The following NCKAP5 variants were observed in gnomAD, a reference collection of about 807,000 sequenced individuals.
NCKAP5 encodes the protein nck-associated protein 5.
A neutral mutation model predicts 167.0 loss-of-function variants in NCKAP5; 92 were observed. The ratio of observed to expected loss-of-function variants is 0.55; its 90% confidence interval spans 0.47 to 0.66. NCKAP5 has a LOEUF of 0.66. Among genes scored for constraint, NCKAP5 ranks in the 30% least tolerant of loss-of-function variants. NCKAP5 has a pLI of 0.00. For missense variants in NCKAP5, 2,378 were observed against 2,315.0 expected, an observed-to-expected ratio of 1.03 and a Z score of -0.56; for synonymous variants, 891 against 877.4, an observed-to-expected ratio of 1.02 and a Z score of -0.27.
chr2:132,957,861 G>T (rs1370161223), intron 8 of NCKAP5, among the ~76,000 whole-genome samples: 1 of 152,122 alleles, frequency 6.6e-6, no homozygotes, highest in Non-Finnish European at 1.5e-5. Flanking sequence ...ATCTAGACAG[G>T]CAGGCCTCAC....
At chr2:133,061,885 C>G (rs970699253) in intron 6 of NCKAP5, among the ~76,000 whole-genome samples, 2 of 152,184 alleles carry the variant, frequency 1.3e-5, no homozygotes, top group African/African-American at 4.8e-5. Context: ...AAACACCTTT[C>G]TCCACTCCCC....
At chr2:133,100,666 T>C (rs2081482458) in intron 6 of NCKAP5, among the ~76,000 whole-genome samples, 1 of 152,180 alleles carries the variant, frequency 6.6e-6, no homozygotes, top group African/African-American at 2.4e-5. Flanking sequence ...TTAAACTCCA[T>C]ATAAATTACA....
chr2:133,163,653 A>G (rs2083888399), intron 5 of NCKAP5, among the ~76,000 whole-genome samples: 2 of 152,202 alleles, frequency 1.3e-5, no homozygotes, highest in African/African-American at 4.8e-5. Flanking sequence ...GTATCTACCT[A>G]TGCGTTCTTG....
In NCKAP5 at chr2:133,018,386, G is replaced by A. The variant is rs191720257; in HGVS notation, c.342-24147C>T. Among the ~76,000 whole-genome samples the A allele has an allele frequency of 6.1e-4, 93 of 152,318 alleles. 1 individual carries two copies. The highest frequency in any genetic ancestry group is 1.9e-3 in the African/African-American group (80 of 41,588). ...GGAGTTACCCTCCCCAAGAGACAAT[G>A]ATTATTTGCATAAGGATTTCAACAG... On this transcript the variant is annotated intron_variant, in intron 6 of 19. Coordinates refer to ENST00000409261, the MANE Select transcript of NCKAP5 (RefSeq NM_207363.3).
chr2:133,221,194 T>C (rs575420507), intron 4 of NCKAP5, among the ~76,000 whole-genome samples: 1 of 152,240 alleles, frequency 6.6e-6, no homozygotes, highest in South Asian at 2.1e-4. Context: ...ACATATGAAT[T>C]TAAAAAGGAA....
chr2:133,012,668 G>C (rs2078202406), intron 6 of NCKAP5, among the ~76,000 whole-genome samples: 1 of 152,020 alleles, frequency 6.6e-6, no homozygotes, highest in Non-Finnish European at 1.5e-5. Flanking sequence ...CTCCATGACT[G>C]CCTTCTCCAG....
At chr2:133,630,792 C>T in the NCKAP5 span, among the ~76,000 whole-genome samples, 22,461 of 152,058 alleles carry the variant, frequency 0.15, 2,156 homozygotes, top group South Asian at 0.2. Context: ...TTAGCAGAAC[C>T]AGCACAGACC....
chr2:133,083,520 G>A (rs1039439722), intron 6 of NCKAP5, among the ~76,000 whole-genome samples: 1 of 152,140 alleles, frequency 6.6e-6, no homozygotes, highest in Non-Finnish European at 1.5e-5. Context: ...TTGTACTTAT[G>A]CCCTACAAGA....
intron 2 of NCKAP5, among the ~76,000 whole-genome samples, chr2:133,537,345 A>C (rs1176949124): frequency 6.6e-6 from 1 of 152,112 alleles, no homozygotes; most frequent in Non-Finnish European, 1.5e-5. Flanking sequence ...GTCTGCAAAA[A>C]AATCCAACTG....
chr2:133,615,820 C>T, the NCKAP5 span, among the ~76,000 whole-genome samples: 1 of 152,108 alleles, frequency 6.6e-6, no homozygotes, highest in East Asian at 1.9e-4. Context: ...AACTACAGAA[C>T]TCTCCACCCC....
In NCKAP5 at chr2:132,671,827, A is replaced by C. The variant is rs1376652846; in HGVS notation, c.*1462T>G. 6.6e-6 allele frequency: 1 copy of C among 152,666 alleles called. No homozygotes were observed. Among genetic ancestry groups the C allele is most frequent in the Non-Finnish European group, 1.5e-5 (1 of 68,042 alleles). The allele number at this position is 152,666 out of a possible 1,614,324, so 9.5% of individuals were successfully genotyped here. ...AAATGTGATATAACTTTTATTCAGA[A>C]AGGAAACAAAAAGATTTTTTAAAGT... On this transcript the variant is annotated 3_prime_UTR_variant, in exon 20 of 20. Transcript: ENST00000409261.
intron 16 of NCKAP5, among the ~76,000 whole-genome samples, chr2:132,765,308 C>CTTTTTT (rs1170247644): frequency 3.0e-4 from 34 of 114,278 alleles, no homozygotes; most frequent in African/African-American, 3.8e-4. Context: ...TTCTTTCTTT[C>CTTTTTT]TTTTTTTTTT....
At chr2:133,403,013 C>T (rs2151027454) in intron 3 of NCKAP5, among the ~76,000 whole-genome samples, 1 of 152,286 alleles carries the variant, frequency 6.6e-6, no homozygotes, top group East Asian at 1.9e-4. Context: ...CCAGAGTTAA[C>T]TTTTATGTCC....
chr2:133,373,680 A>C (rs1194888602), intron 3 of NCKAP5, among the ~76,000 whole-genome samples: 1 of 152,266 alleles, frequency 6.6e-6, no homozygotes, highest in African/African-American at 2.4e-5. Flanking sequence ...TGGAGACTCA[A>C]ATCAGGACCT....
At chr2:133,509,930 C>T (rs761602288) in intron 3 of NCKAP5, among the ~76,000 whole-genome samples, 14 of 152,060 alleles carry the variant, frequency 9.2e-5, no homozygotes, top group Non-Finnish European at 1.9e-4. Flanking sequence ...ATAAGAACTC[C>T]GGAACATGTG....
Position 133,155,649 on chromosome 2 carries a change from T to C in NCKAP5, c.208-25538A>G, listed in dbSNP as rs950339185. ...AGGTATTTTTTAGACGACATTAACA[T>C]TTAAACCAGTAGACTTGTAGACTTT... On this transcript the variant is annotated intron_variant, in intron 5 of 19. Coordinates refer to ENST00000409261, the MANE Select transcript of NCKAP5 (RefSeq NM_207363.3). 1.1e-4 allele frequency among the ~76,000 whole-genome samples: 17 copies of C among 152,332 alleles called. No homozygotes were observed. In the South Asian group the frequency reaches 1.7e-3, roughly 15 times the overall value.
At chr2:132,699,824 T>C (rs1317767947) in intron 19 of NCKAP5, among the ~76,000 whole-genome samples, 1 of 152,252 alleles carries the variant, frequency 6.6e-6, no homozygotes, top group Non-Finnish European at 1.5e-5. Flanking sequence ...GCATGATTTA[T>C]AATCCTTTGG....
At chr2:133,136,556 A>G (rs949286646) in intron 5 of NCKAP5, among the ~76,000 whole-genome samples, 4 of 152,156 alleles carry the variant, frequency 2.6e-5, no homozygotes, top group Admixed American at 2.6e-4. Flanking sequence ...GATAATTGAG[A>G]AGTAATCGCT....
chr2:133,006,328 T>C lies in NCKAP5; in HGVS notation c.342-12089A>G, dbSNP rs1052362225. Among the ~76,000 whole-genome samples the C allele has an allele frequency of 2.0e-5, 3 of 152,278 alleles. No individual in the cohort carries two copies. The East Asian group carries it at 5.8e-4, about 29-fold the overall frequency. ...AGATTTCTTCTCTTAATATGCACCA[T>C]GCTTTTAAAAGTTTGAATCTAATGT... is the stretch of plus-strand genomic sequence containing the variant. On this transcript the variant is annotated intron_variant, in intron 6 of 19. Coordinates refer to ENST00000409261, the MANE Select transcript of NCKAP5 (RefSeq NM_207363.3).
Sources: gnomAD v4.1 joint callset for allele counts (sites outside exome capture counted in the v4.1 genomes callset) on GRCh38, gnomAD v4.1.1 for gene constraint, MANE v1.5 for transcripts, NCBI Gene and HGNC (gene_info 2026-07-23, HGNC 2026-07-21) for gene names.